The following WDR70 variants were observed in gnomAD, a reference collection of about 807,000 sequenced individuals.
WDR70 encodes the protein WD repeat domain 70, also known as WD repeat-containing protein 70.
Under a neutral mutation model 88.6 loss-of-function variants are expected in WDR70, and 53 were observed. The ratio of observed to expected loss-of-function variants is 0.60; its 90% CI spans 0.48 to 0.75. WDR70 has a LOEUF of 0.75. WDR70 is among the 30% of genes least tolerant of loss of function. The pLI is 0.00. For synonymous variants in WDR70, 280 were observed against 270.0 expected (o/e 1.04, Z -0.36); for missense variants, 610 against 823.2 (o/e 0.74, Z 3.17).
intron 9 of WDR70, among the ~76,000 whole-genome samples, chr5:37,527,031 A>G (rs745627527): frequency 1.3e-5 from 2 of 152,238 alleles, no homozygotes; most frequent in African/African-American, 4.8e-5. Flanking sequence ...GGAAGAATCA[A>G]TATCATGAAA....
intron 7 of WDR70, among the ~76,000 whole-genome samples, chr5:37,448,862 T>A (rs1581288657): frequency 6.6e-6 from 1 of 152,198 alleles, no homozygotes; most frequent in East Asian, 1.9e-4. Flanking sequence ...TTGAGGGGTA[T>A]TGGTCGGGTG....
intron 5 of WDR70, among the ~76,000 whole-genome samples, chr5:37,435,380 A>G (rs188105957): frequency 1.3e-5 from 2 of 152,322 alleles, no homozygotes; most frequent in Admixed American, 6.5e-5. Context: ...AGTTTTCATT[A>G]TGTTCAAATG....
At chr5:37,643,923 T>A (rs1358407766) in intron 10 of WDR70, among the ~76,000 whole-genome samples, 1 of 152,116 alleles carries the variant, frequency 6.6e-6, no homozygotes, top group Admixed American at 6.5e-5. Flanking sequence ...GATTATGTCA[T>A]CTGCAAACAA....
chr5:37,383,462 ATGTTGGCCAGGCTGGTCTCGGACT>A, intron 3 of WDR70, among the ~76,000 whole-genome samples: 1 of 152,116 alleles, frequency 6.6e-6, no homozygotes. Flanking sequence ...GGGTTTCGCC[ATGTTGGCCAGGCTGGTCTCGGACT>A]TGTGACCTCA....
intron 7 of WDR70, among the ~76,000 whole-genome samples, chr5:37,455,826 A>G (rs955105706): frequency 6.6e-6 from 1 of 151,946 alleles, no homozygotes; most frequent in African/African-American, 2.4e-5. Flanking sequence ...TCATAGTCAT[A>G]CACTATGATT....
intron 10 of WDR70, among the ~76,000 whole-genome samples, chr5:37,611,781 C>CTT (rs66689730): frequency 1.4e-3 from 175 of 126,856 alleles, no homozygotes; most frequent in Middle Eastern, 7.8e-3. Context: ...TGATTTCAGC[C>CTT]TTTTTTTTTT....
chr5:37,674,565 C>T (rs1395371952), intron 10 of WDR70, among the ~76,000 whole-genome samples: 1 of 152,036 alleles, frequency 6.6e-6, no homozygotes, highest in Non-Finnish European at 1.5e-5. Flanking sequence ...CATGACCTCA[C>T]CCTTTTTTAT....
chr5:37,448,739 G>GTT (rs59753643), intron 7 of WDR70, among the ~76,000 whole-genome samples: 24 of 150,890 alleles, frequency 1.6e-4, no homozygotes, highest in South Asian at 4.2e-4. Context: ...GGATTTCACT[G>GTT]TTTTTTTTTC....
chr5:37,709,338 A>G (rs1447497730), intron 13 of WDR70, among the ~76,000 whole-genome samples: 1 of 152,194 alleles, frequency 6.6e-6, no homozygotes, highest in Non-Finnish European at 1.5e-5. Flanking sequence ...ATGAAATTTT[A>G]CTGTAATTCA....
intron 10 of WDR70, among the ~76,000 whole-genome samples, chr5:37,629,280 T>C (rs1744750510): frequency 6.6e-6 from 1 of 152,210 alleles, no homozygotes. Context: ...TTGAATCTGT[T>C]TGGGGTTCTT....
chr5:37,405,591 C>T (rs1749328626), intron 5 of WDR70, among the ~76,000 whole-genome samples: 1 of 151,768 alleles, frequency 6.6e-6, no homozygotes. Flanking sequence ...ATTATTGGTG[C>T]TATAAACAGT....
At chr5:37,614,926 TTCTC>T (rs763987903) in intron 10 of WDR70, among the ~76,000 whole-genome samples, 14 of 152,106 alleles carry the variant, frequency 9.2e-5, no homozygotes, top group African/African-American at 9.7e-5. Flanking sequence ...GAAAAAATTA[TTCTC>T]TCTAAGAGTA....
At chr5:37,422,665 A>G (rs555969211) in intron 5 of WDR70, among the ~76,000 whole-genome samples, 1 of 151,962 alleles carries the variant, frequency 6.6e-6, no homozygotes, top group South Asian at 2.1e-4. Context: ...TTTAGTAGAG[A>G]CAGAGTTTCA....
chr5:37,720,698 C>A (rs1255501640), intron 13 of WDR70, among the ~76,000 whole-genome samples: 1 of 152,154 alleles, frequency 6.6e-6, no homozygotes, highest in Non-Finnish European at 1.5e-5. Flanking sequence ...AAAACAATAA[C>A]CACCTGGTCT....
chr5:37,468,807 A>G (rs1368216540), intron 7 of WDR70, among the ~76,000 whole-genome samples: 1 of 152,226 alleles, frequency 6.6e-6, no homozygotes, highest in East Asian at 1.9e-4. Context: ...CTTACACAAT[A>G]TAGTACAATA....
intron 10 of WDR70, among the ~76,000 whole-genome samples, chr5:37,620,975 G>A (rs890300793): frequency 2.0e-5 from 3 of 152,044 alleles, no homozygotes; most frequent in African/African-American, 7.2e-5. Context: ...GCAGATGGAT[G>A]TACAAGATAT....
intron 8 of WDR70, among the ~76,000 whole-genome samples, chr5:37,483,069 A>T (rs78713190): frequency 1.4e-3 from 192 of 138,924 alleles, no homozygotes; most frequent in Non-Finnish European, 2.0e-3. Flanking sequence ...CTCTTAATTT[A>T]AAAAAAAAAA....
intron 8 of WDR70, among the ~76,000 whole-genome samples, chr5:37,487,450 A>G (rs1374118349): frequency 6.6e-5 from 10 of 150,492 alleles, no homozygotes; most frequent in African/African-American, 2.5e-4. Flanking sequence ...TGTTAAAGGA[A>G]GCAATTTATT....
intron 7 of WDR70, among the ~76,000 whole-genome samples, chr5:37,453,045 G>A (rs1257324667): frequency 6.6e-6 from 1 of 152,330 alleles, no homozygotes; most frequent in East Asian, 1.9e-4. Context: ...CTGACATTAT[G>A]TGTTTTTTAC....
Sources: allele counts gnomAD v4.1 joint callset (sites outside exome capture counted in the v4.1 genomes callset), GRCh38; gene constraint gnomAD v4.1.1; transcripts MANE v1.5; gene names NCBI Gene and HGNC (gene_info 2026-07-23, HGNC 2026-07-21).